Variants in DNMT1 observed in about 807,000 individuals in gnomAD.
The protein encoded by DNMT1 is DNA (cytosine-5)-methyltransferase 1.
A neutral mutation model predicts 205.3 loss-of-function variants in DNMT1; 24 were observed. The observed-to-expected ratio is 0.12, with a 90% CI of 0.08 to 0.16. The LOEUF (loss-of-function observed/expected upper bound fraction) is 0.16, where lower values mean the gene tolerates loss of function less well. Ranked by LOEUF, DNMT1 falls within the 10% of genes least tolerant of loss-of-function variation. The pLI is 1.00. For missense variants in DNMT1, 1,293 were observed against 2,177.7 expected (o/e 0.59, Z 8.09); for synonymous variants, 817 against 839.8 (o/e 0.97, Z 0.47).
Position 10,135,869 on chromosome 19 carries a change from C to T in DNMT1, c.4657-17G>A, listed in dbSNP as rs114594279. 8.4e-6 allele frequency: 13 copies of T among 1,543,290 alleles called. No individual in the cohort carries two copies. Among genetic ancestry groups the T allele is most frequent in the Admixed American group, 5.9e-5 (3 of 51,114 alleles). On this transcript the variant is annotated splice_polypyrimidine_tract_variant and intron_variant, in intron 38 of 40. Transcript: ENST00000359526. ...CACGCGGCCCTGGGGGAAAGAGGCG[C>T]GGTGGGCGAGGGCAGTAGCACCCAG...
intron 13 of DNMT1, 46 bp downstream of exon 13, chr19:10,162,619 GGA>G: frequency 8.5e-6 from 12 of 1,407,804 alleles, no homozygotes; most frequent in Non-Finnish European, 8.7e-6. Flanking sequence ...CCCGTCTTGG[GGA>G]AAAAAAAAAA....
Position 10,154,956 on chromosome 19 carries a change from G to A in DNMT1, c.1593C>T (p.Phe531=). 6.2e-7 allele frequency: 1 copy of A among 1,614,168 alleles called. No homozygotes were observed. The highest frequency in any genetic ancestry group is 8.5e-7 in the Non-Finnish European group (1 of 1,180,044). ...KIYISKIVVE[F]LQSNSDSTYE... is the part of the protein sequence containing the mutation. ...AGGTCGAGTCGGAATTGCTCTGCAGGAACTCCACCACAATCTTGCTGATGT... is the reference window on the plus strand; with the variant it reads ...AGGTCGAGTCGGAATTGCTCTGCAGAAACTCCACCACAATCTTGCTGATGT... Residue 531 remains phenylalanine (F), a synonymous_variant, in exon 20 of 41, where the codon TTC becomes TTT. Coordinates refer to ENST00000359526, the MANE Select transcript of DNMT1 (RefSeq NM_001130823.3). This position sits in a 1 kb window ranked among gnomAD's most constrained non-coding sequence, Gnocchi z 6.3.
chr19:10,146,233 G>T lies in DNMT1; in HGVS notation c.2894+118C>A. 1.6e-6 allele frequency: 2 copies of T among 1,264,000 alleles called. No individual in the cohort carries two copies. The highest frequency in any genetic ancestry group is 2.2e-6 in the Non-Finnish European group (2 of 908,304). The allele number at this position is 1,264,000 out of a possible 1,614,324, so 78.3% of individuals were successfully genotyped here. Reference sequence around the variant, plus strand: ...GTTTGCCACCTATGCCAACGTGACGGCTAGGACAACAGCTGGTGCGGAGGG... The same window carrying T: ...GTTTGCCACCTATGCCAACGTGACGTCTAGGACAACAGCTGGTGCGGAGGG... On this transcript the variant is annotated intron_variant, in intron 28 of 40. Coordinates refer to ENST00000359526, the MANE Select transcript of DNMT1 (RefSeq NM_001130823.3). The surrounding 1 kb of genome is among the most constrained non-coding windows in gnomAD (Gnocchi z 4.4).
At position 10,138,499 on chromosome 19, in the gene DNMT1, G is replaced by A. The variant is rs1254786385; in HGVS notation, c.4055C>T (p.Pro1352Leu). 6.2e-7 allele frequency: 1 copy of A among 1,613,756 alleles called. No individual in the cohort carries two copies. ...CACCACGCTCAGCTGGCAGGCCCGG[G>A]GAGCAAACACGTGCAGTGGCTCCGG... The part of the protein sequence containing the change: ...LFPEPLHVFA[P>L]RACQLSVVVD... The change falls in exon 35 of 41, where the codon CCC becomes CTC. Residue 1352 changes from proline (P) to leucine (L), a missense_variant. By Grantham distance (98) the Pro-to-Leu change is moderately conservative. Coordinates refer to ENST00000359526, the MANE Select transcript of DNMT1 (RefSeq NM_001130823.3). The surrounding 1 kb of genome is among the most constrained non-coding windows in gnomAD (Gnocchi z 4.1).
At chr19:10,185,015 G>A (rs1368894982) in intron 1 of DNMT1, among the ~76,000 whole-genome samples, 1 of 152,190 alleles carries the variant, frequency 6.6e-6, no homozygotes, top group African/African-American at 2.4e-5. Flanking sequence ...CCCCACCAGC[G>A]CCGCTCACAT....
intron 1 of DNMT1, among the ~76,000 whole-genome samples, chr19:10,191,851 TTTC>T (rs2039310583): frequency 6.6e-6 from 1 of 151,998 alleles, no homozygotes; most frequent in African/African-American, 2.4e-5. Flanking sequence ...ATTTTTTTTT[TTTC>T]TGAGACAGAG....
intron 1 of DNMT1, among the ~76,000 whole-genome samples, chr19:10,188,098 C>T (rs1162104291): frequency 6.6e-6 from 1 of 152,232 alleles, no homozygotes; most frequent in Non-Finnish European, 1.5e-5. Context: ...TGCATTCCAG[C>T]CTGGGTGACA....
At position 10,155,847 on chromosome 19, in the gene DNMT1, A is replaced by G. The variant is rs1451637462; in HGVS notation, c.1492+6T>C. 2 of 1,612,486 alleles carry G rather than the reference A, an allele frequency of 1.2e-6. No homozygotes were observed. The highest frequency in any genetic ancestry group is 1.7e-6 in the Non-Finnish European group (2 of 1,179,324). ...CCGGCCAGCCTATGATGGGCCACACACTTACAGGTGCTGAAGCCGATGAGG... is the reference window on the plus strand; with the variant it reads ...CCGGCCAGCCTATGATGGGCCACACGCTTACAGGTGCTGAAGCCGATGAGG... On this transcript the variant is annotated splice_donor_region_variant and intron_variant, in intron 19 of 40. Coordinates refer to ENST00000359526, the MANE Select transcript of DNMT1 (RefSeq NM_001130823.3).
chr19:10,173,018 C>A (rs185030877), intron 9 of DNMT1, 72 bp downstream of exon 9: 43 of 1,570,892 alleles, frequency 2.7e-5, no homozygotes, highest in Non-Finnish European at 3.8e-5. Flanking sequence ...CCTGTCCCCA[C>A]GTCCTGGAAG....
rs74755889 is a variant in DNMT1 at position 10,134,906 on chromosome 19, C to G, written c.4774-599G>C. 5.8e-3 allele frequency among the ~76,000 whole-genome samples: 864 copies of G among 150,216 alleles called. 19 individuals are homozygous for G. The highest frequency in any genetic ancestry group is 0.034 in the East Asian group (173 of 5,050). On this transcript the variant is annotated intron_variant, in intron 39 of 40. Coordinates refer to ENST00000359526, the MANE Select transcript of DNMT1 (RefSeq NM_001130823.3). ...ATGGGCCACCTAGACACGTTTCGCT[C>G]CCAGTTAAGAGTGGCTGCTTCCCTG...
chr19:10,148,981 C>A lies in DNMT1; in HGVS notation c.2623G>T (p.Asp875Tyr), dbSNP rs749258509. Residue 875 changes from aspartate to tyrosine, a missense_variant, in exon 27 of 41, where the codon GAC becomes TAC. Asp to Tyr is a radical substitution (Grantham distance 160). Transcript: ENST00000359526. ...MDPESLLEGD[D>Y]GKTYFYQLWY... The stretch of plus-strand genomic sequence containing the variant: ...AGCTGGTAGAAGTAGGTCTTCCCGT[C>A]GTCCCCCTCCAGCAGGGACTCGGGA... The A allele has an allele frequency of 2.1e-5, 34 of 1,614,018 alleles. 1 individual carries two copies. The South Asian group carries it at 3.7e-4, about 18-fold the overall frequency.
intron 6 of DNMT1, 86 bp downstream of exon 6, chr19:10,177,206 C>T: frequency 4.9e-6 from 6 of 1,226,424 alleles, no homozygotes; most frequent in Non-Finnish European, 6.0e-6. Flanking sequence ...ACACGGAAGA[C>T]AGAATTGCCA....
rs1426207689 is a variant in DNMT1 at position 10,135,393 on chromosome 19, C to T, written c.4773+343G>A. The stretch of plus-strand genomic sequence containing the variant: ...ACTAACTTGTTAAGCCAACCCGACA[C>T]CTGAGAAGCAGGTAGGAATTAAGGT... On this transcript the variant is annotated intron_variant, in intron 39 of 40. Coordinates refer to ENST00000359526, the MANE Select transcript of DNMT1 (RefSeq NM_001130823.3). The T allele has an allele frequency of 7.9e-6, 3 of 380,874 alleles. No individual in the cohort carries two copies. In the East Asian group the frequency reaches 1.6e-4, roughly 21 times the overall value. The allele number at this position is 380,874 out of a possible 1,614,324, so 23.6% of individuals were successfully genotyped here.
chr19:10,183,241 G>C (rs936077700), intron 1 of DNMT1, among the ~76,000 whole-genome samples: 1 of 151,000 alleles, frequency 6.6e-6, no homozygotes, highest in African/African-American at 2.4e-5. Flanking sequence ...TCAGCCTCCC[G>C]AGTAGCTGGG....
rs1465066670 is a variant in DNMT1, at chr19:10,133,623, T to C, written c.*44A>G. The C allele has an allele frequency of 1.3e-6, 2 of 1,582,714 alleles. No individual in the cohort carries two copies. The highest frequency in any genetic ancestry group is 1.7e-6 in the Non-Finnish European group (2 of 1,162,786). ...TTAAAAACACAACATCAGTGCATGT[T>C]GGGGATTCCTGGTGCCAGAAACAGG... On this transcript the variant is annotated 3_prime_UTR_variant, in exon 41 of 41. Transcript: ENST00000359526. The surrounding 1 kb of genome is among the most constrained non-coding windows in gnomAD (Gnocchi z 4.1).
chr19:10,164,649 C>T (rs914335094), intron 11 of DNMT1, among the ~76,000 whole-genome samples: 4 of 151,702 alleles, frequency 2.6e-5, no homozygotes, highest in Admixed American at 1.3e-4. Context: ...ACAAACACGC[C>T]GGGCGTGGTG....
intron 2 of DNMT1, among the ~76,000 whole-genome samples, chr19:10,181,534 A>G (rs2039046015): frequency 2.6e-5 from 1 of 37,786 alleles, no homozygotes; most frequent in Non-Finnish European, 5.9e-5. Context: ...AGATTGGTTA[A>G]AAAAAAAAAA....
rs147241288 is a variant in DNMT1 at position 10,176,675 on chromosome 19, T to C, written c.569+617A>G. ...GAGTTTGAGACCAGTCTGGCCAACA[T>C]AGTGAAACCCCACCTCTACTAAAAA... On this transcript the variant is annotated intron_variant, in intron 6 of 40. Transcript: ENST00000359526. 4.2e-3 allele frequency among the ~76,000 whole-genome samples: 633 copies of C among 152,196 alleles called. 7 individuals are homozygous for C. The highest frequency in any genetic ancestry group is 0.014 in the African/African-American group (598 of 41,536).
At chr19:10,180,602 G>T in intron 3 of DNMT1, 33 bp from the exon 4 acceptor site, 1 of 1,601,634 alleles carries the variant, frequency 6.2e-7, no homozygotes, top group South Asian at 1.1e-5. Flanking sequence ...AAGTAGCAGT[G>T]AATGTAAACA....
Sources: allele counts gnomAD v4.1 joint callset (sites outside exome capture counted in the v4.1 genomes callset), GRCh38; gene constraint gnomAD v4.1.1; non-coding constraint Gnocchi (gnomAD v3.1); transcripts MANE v1.5; gene names NCBI Gene and HGNC (gene_info 2026-07-23, HGNC 2026-07-21).